HELQ: variants seen among roughly 807,000 people sequenced by gnomAD.
HELQ encodes the protein helicase, POLQ like.
In HELQ, 77 loss-of-function variants were observed where a neutral mutation model predicts 111.6. The observed-to-expected ratio is 0.69, with a 90% CI of 0.57 to 0.83. HELQ has a LOEUF of 0.83. Among genes scored for constraint, HELQ ranks in the 40% least tolerant of loss-of-function variants. The probability of loss-of-function intolerance (pLI) is 0.00; values close to 1 mark genes in which losing one functional copy is unlikely to be tolerated. For synonymous variants in HELQ, 438 were observed against 454.7 expected (o/e 0.96, Z 0.47); for missense variants, 1,200 against 1,288.5 (o/e 0.93, Z 1.05).
At chr4:83,443,763 T>C in intron 5 of HELQ, 149 bp from the exon 6 acceptor site, 1 of 503,148 alleles carries the variant, frequency 2.0e-6, no homozygotes, top group Non-Finnish European at 3.6e-6. Flanking sequence ...AAAATACAAA[T>C]AGCTGGGTGC....
rs200137034 is a variant in HELQ at position 83,421,714 on chromosome 4, T to C, written c.2798A>G (p.Asn933Ser). 1.1e-5 allele frequency: 18 copies of C among 1,613,330 alleles called. No homozygotes were observed. The Admixed American group carries it at 1.7e-4, about 15-fold the overall frequency. Residue 933 changes from asparagine (N) to serine (S), a missense_variant, in exon 15 of 18, where the codon AAC becomes AGC. By Grantham distance (46) the Asn-to-Ser change is conservative (BLOSUM62 1). Coordinates refer to ENST00000295488, the MANE Select transcript of HELQ (RefSeq NM_133636.5). Reference sequence around the variant, plus strand: ...AAGAACAAAAGACAGATATAGCCTGTTGACAACGTTCTTGTCCACCTTCTA... The same window carrying C: ...AAGAACAAAAGACAGATATAGCCTGCTGACAACGTTCTTGTCCACCTTCTA... The part of the protein sequence containing the change: ...IGKKVDKNVV[N>S]RLYLSFVLYT...
intron 9 of HELQ, among the ~76,000 whole-genome samples, chr4:83,435,495 A>C (rs1180994274): frequency 6.6e-6 from 1 of 152,068 alleles, no homozygotes; most frequent in Non-Finnish European, 1.5e-5. Context: ...AAATACAGAT[A>C]TCTTCAACTA....
At chr4:83,440,945 C>A (rs951018887) in intron 7 of HELQ, among the ~76,000 whole-genome samples, 1 of 152,202 alleles carries the variant, frequency 6.6e-6, no homozygotes, top group Non-Finnish European at 1.5e-5. Context: ...TAAATAACCA[C>A]AACAGCTCAC....
chr4:83,453,521 T>C lies in HELQ; in HGVS notation c.722A>G (p.Glu241Gly), dbSNP rs1367788839. The change falls in exon 2 of 18, where the codon GAG becomes GGG. Residue 241 changes from glutamate (E) to glycine (G), a missense_variant. Glu to Gly is a moderately conservative substitution (Grantham distance 98, BLOSUM62 -2). Around this residue, in one of 3 missense-constraint regions of HELQ, gnomAD observed 610 missense variants for 607.1 expected, o/e 1.00. Transcript: ENST00000295488. Reference protein sequence around the residue: ...VNEELPHNCIEQPQQNDESSS... With the variant: ...VNEELPHNCIGQPQQNDESSS... ...GGACTCATCATTTTGCTGGGGTTGC[T>C]CTATGCAATTATGGGGCAGTTCCTC... 1.2e-6 allele frequency: 2 copies of C among 1,613,824 alleles called. No homozygotes were observed. The highest frequency in any genetic ancestry group is 2.7e-5 in the African/African-American group (2 of 74,920).
In HELQ at chr4:83,418,032, A is replaced by G. The variant is rs1268580443; in HGVS notation, c.3063+61T>C. 5 of 877,770 alleles carry G rather than the reference A, an allele frequency of 5.7e-6. No homozygotes were observed. In the Admixed American group the frequency reaches 1.2e-4, roughly 21 times the overall value. The allele number at this position is 877,770 out of a possible 1,614,324, so 54.4% of individuals were successfully genotyped here. On this transcript the variant is annotated intron_variant, in intron 16 of 17. Transcript: ENST00000295488. ...CTGTATTAAGACTTCAGAAAATAAT[A>G]AAACCTGGCTTCTGTATTAATTCAA... is the stretch of plus-strand genomic sequence containing the variant.
intron 13 of HELQ, 145 bp downstream of exon 13, chr4:83,427,418 G>T (rs1719902900): frequency 2.0e-6 from 1 of 504,610 alleles, no homozygotes; most frequent in Non-Finnish European, 3.4e-6. Flanking sequence ...ACTTTGGGAG[G>T]ACAATGTGGG....
rs756413726 is a variant in HELQ, at chr4:83,425,980, A to G, written c.2775+14T>C. 4.8e-6 allele frequency: 7 copies of G among 1,462,220 alleles called. No individual in the cohort carries two copies. The Admixed American group carries it at 1.3e-4, about 26-fold the overall frequency. 90.6% of individuals were successfully genotyped at this position (1,462,220 alleles called of 1,614,324 possible). ...GTGAACTTATTATTTAGGAAGAAAA[A>G]AAGAATGTGGTACCTTTCCGATGGC... is the stretch of plus-strand genomic sequence containing the variant. On this transcript the variant is annotated intron_variant, in intron 14 of 17. Transcript: ENST00000295488.
chr4:83,448,867 A>C lies in HELQ; in HGVS notation c.1107T>G (p.Ala369=). Residue 369 remains alanine (A), a synonymous_variant, in exon 3 of 18, where the codon GCT becomes GCG. Coordinates refer to ENST00000295488, the MANE Select transcript of HELQ (RefSeq NM_133636.5). ...GCAGTTCTTGCAGCATTAAAATCTC[A>C]GCCACGAGGGTTTTTCCACCACTTG... ...LPTSGGKTLV[A]EILMLQELLC... 1 of 1,613,544 alleles carries C rather than the reference A, an allele frequency of 6.2e-7. No homozygotes were observed. The highest frequency in any genetic ancestry group is 8.5e-7 in the Non-Finnish European group (1 of 1,179,510).
In HELQ at chr4:83,453,775, T is replaced by C. The variant is rs1560562298; in HGVS notation, c.468A>G (p.Lys156=). The C allele has an allele frequency of 6.2e-7, 1 of 1,614,026 alleles. No homozygotes were observed. The highest frequency in any genetic ancestry group is 1.3e-5 in the African/African-American group (1 of 74,912). ...GGTTGCCTATGGTAGTAATGCTGAG[T>C]TTGTTTTTGATACTTTCCGAGCAAA... ...ENLCSESIKN[K]LSITTIGNLT... The change falls in exon 2 of 18, where the codon AAA becomes AAG. Residue 156 remains lysine, a synonymous_variant. Coordinates refer to ENST00000295488, the MANE Select transcript of HELQ (RefSeq NM_133636.5).
At chr4:83,420,445 A>G (rs1739608389) in intron 15 of HELQ, among the ~76,000 whole-genome samples, 1 of 152,070 alleles carries the variant, frequency 6.6e-6, no homozygotes, top group African/African-American at 2.4e-5. Context: ...CAGGCTGGGC[A>G]TCATAGTGAG....
rs1356850957 is a variant in HELQ at position 83,429,374 on chromosome 4, C to T, written c.2518+150G>A. On this transcript the variant is annotated intron_variant, in intron 12 of 17. Transcript: ENST00000295488. ...ATATTGGCCAGGCTGGTCTCAAACT[C>T]CCAACCTCAAGTGATCCGCTCCCCT... 4 of 602,138 alleles carry T rather than the reference C, an allele frequency of 6.6e-6. No individual in the cohort carries two copies. The African/African-American group carries it at 7.5e-5, about 11-fold the overall frequency. 37.3% of individuals were successfully genotyped at this position (602,138 alleles called of 1,614,324 possible).
chr4:83,453,860 T>G lies in HELQ; in HGVS notation c.383A>C (p.Gln128Pro). ...SFIAQVDDLEQKYMQLPEHKK... is the reference protein window; with the variant it reads ...SFIAQVDDLEPKYMQLPEHKK... The stretch of plus-strand genomic sequence containing the variant: ...ATGTTCAGGGAGTTGCATATATTTT[T>G]GTTCCAGGTCGTCAACTTGAGCTAT... Residue 128 changes from glutamine (Q) to proline (P), a missense_variant, in exon 2 of 18, where the codon CAA (glutamine) becomes CCA (proline). Physicochemically the swap from Gln to Pro is moderately conservative, Grantham distance 76. Transcript: ENST00000295488. The G allele has an allele frequency of 6.2e-7, 1 of 1,614,112 alleles. No homozygotes were observed. Among genetic ancestry groups the G allele is most frequent in the Non-Finnish European group, 8.5e-7 (1 of 1,179,946 alleles).
At chr4:83,421,843 T>C (rs981106690) in intron 14 of HELQ, 107 bp from the exon 15 acceptor site, 1 of 777,850 alleles carries the variant, frequency 1.3e-6, no homozygotes, top group South Asian at 1.6e-5. Context: ...ATAGCAAGGA[T>C]AGAATAATTC....
In HELQ at chr4:83,431,705, T is replaced by C. The variant is rs748337586; in HGVS notation, c.2254A>G (p.Lys752Glu). Residue 752 changes from lysine to glutamate, a missense_variant, in exon 11 of 18, where the codon AAG becomes GAG. By Grantham distance (56) the Lys-to-Glu change is moderately conservative. Transcript: ENST00000295488. ...CYSHLVQEFT[K>E]GIQTLFLSLI... Reference sequence around the variant, plus strand: ...GAGAGAAATAATGTTTGGATTCCCTTGGTGAATTCCTGAACAAGATGGCTG... The same window carrying C: ...GAGAGAAATAATGTTTGGATTCCCTCGGTGAATTCCTGAACAAGATGGCTG... 6.4e-7 allele frequency: 1 copy of C among 1,564,394 alleles called. No individual in the cohort carries two copies. The highest frequency in any genetic ancestry group is 8.7e-7 in the Non-Finnish European group (1 of 1,154,066).
chr4:83,421,396 A>G (rs915273663), intron 15 of HELQ, among the ~76,000 whole-genome samples, 167 bp downstream of exon 15: 4 of 152,250 alleles, frequency 2.6e-5, no homozygotes, highest in Non-Finnish European at 4.4e-5. Context: ...AGTTTCATAA[A>G]CAGATAAAAA....
intron 8 of HELQ, among the ~76,000 whole-genome samples, chr4:83,437,683 G>A (rs1720537927): frequency 6.6e-6 from 1 of 151,540 alleles, no homozygotes; most frequent in African/African-American, 2.4e-5. Context: ...GAGGGTTCGT[G>A]GATTTCCTAA....
intron 1 of HELQ, 95 bp downstream of exon 1, chr4:83,455,299 AGAC>A (rs1721698834): frequency 6.5e-7 from 1 of 1,538,934 alleles, no homozygotes; most frequent in African/African-American, 1.4e-5. Flanking sequence ...GTGGTAACGA[AGAC>A]GAGAGAAGTA....
Position 83,432,169 on chromosome 4 carries a change from A to G in HELQ, c.2147T>C (p.Ile716Thr), listed in dbSNP as rs1287923214. The G allele has an allele frequency of 5.6e-6, 9 of 1,601,872 alleles. No homozygotes were observed. The highest frequency in any genetic ancestry group is 7.7e-6 in the Non-Finnish European group (9 of 1,174,178). ...TTGCAATATGAGGATACTCTCCCCA[A>G]TAGTATCTATTCCAGCACGACCAGC... The part of the protein sequence containing the change: ...GRAGRAGIDT[I>T]GESILILQEK... The change falls in exon 10 of 18, where the codon ATT (isoleucine) becomes ACT (threonine). Residue 716 changes from isoleucine (I) to threonine (T), a missense_variant. This residue lies in a region of HELQ where 585 missense variants were observed against 665.3 expected (regional missense o/e 0.88). Transcript: ENST00000295488.
At position 83,431,772 on chromosome 4, in the gene HELQ, T is replaced by C. The variant is rs377740804; in HGVS notation, c.2191-4A>G. The C allele has an allele frequency of 1.3e-5, 16 of 1,269,358 alleles. No individual in the cohort carries two copies. In the African/African-American group the frequency reaches 2.0e-4, roughly 16 times the overall value. The allele number at this position is 1,269,358 out of a possible 1,614,324, so 78.6% of individuals were successfully genotyped here. On this transcript the variant is annotated splice_region_variant and splice_polypyrimidine_tract_variant and intron_variant, in intron 10 of 17. Transcript: ENST00000295488. Reference sequence around the variant, plus strand: ...GTTTAGTTATTAACTCCAATACCTATAAAGGTTAAAGCAAAACCATGCCTT... The same window carrying C: ...GTTTAGTTATTAACTCCAATACCTACAAAGGTTAAAGCAAAACCATGCCTT...
Sources: allele counts gnomAD v4.1 joint callset (sites outside exome capture counted in the v4.1 genomes callset), GRCh38; gene constraint gnomAD v4.1.1; regional missense constraint gnomAD v4.1.1; transcripts MANE v1.5; gene names NCBI Gene and HGNC (gene_info 2026-07-23, HGNC 2026-07-21).